Variants in MTMR9 observed in about 807,000 individuals in gnomAD.
MTMR9 encodes myotubularin-related protein 9.
A neutral mutation model predicts 69.5 loss-of-function variants in MTMR9; 39 were observed. The observed-to-expected ratio is 0.56, with a 90% CI of 0.43 to 0.73. The LOEUF (loss-of-function observed/expected upper bound fraction) is 0.73. MTMR9 is among the 30% of genes least tolerant of loss of function. MTMR9 has a pLI of 0.00. For missense variants in MTMR9, 900 were observed against 671.2 expected (o/e 1.34, Z -3.77); for synonymous variants, 354 against 240.8 (o/e 1.47, Z -4.35).
chr8:11,295,110 C>T, intron 1 of MTMR9, 84 bp from the exon 2 acceptor site: 2 of 741,654 alleles, frequency 2.7e-6, no homozygotes, highest in East Asian at 2.8e-5. Flanking sequence ...GTAACTACAA[C>T]TATATTCTCT....
chr8:11,298,134 C>T (rs931651828), intron 2 of MTMR9, among the ~76,000 whole-genome samples: 2 of 152,050 alleles, frequency 1.3e-5, no homozygotes. Flanking sequence ...TTTCACCTGC[C>T]TTTGGAAGTG....
Position 11,323,498 on chromosome 8 carries a change from A to G in MTMR9, c.*710A>G, listed in dbSNP as rs1328493124. On this transcript the variant is annotated 3_prime_UTR_variant, in exon 10 of 10. Transcript: ENST00000221086. ...AGTATGTGCAATATACAATTAAAGT[A>G]GGAATTTGTTACTGATTGAGAATTG... The G allele has an allele frequency of 6.6e-6, 1 of 152,278 alleles. No individual in the cohort carries two copies. Among genetic ancestry groups the G allele is most frequent in the Non-Finnish European group, 1.5e-5 (1 of 68,046 alleles). The allele number at this position is 152,278 out of a possible 1,614,324, so 9.4% of individuals were successfully genotyped here. A position where few individuals can be genotyped will look rare whatever the true frequency, so the allele number is the denominator to read the frequency against.
At position 11,324,983 on chromosome 8, in the gene MTMR9, G is replaced by A. The variant is rs1288120341; in HGVS notation, c.*2195G>A. 1 of 152,254 alleles carries A rather than the reference G, an allele frequency of 6.6e-6. No homozygotes were observed. Among genetic ancestry groups the A allele is most frequent in the Non-Finnish European group, 1.5e-5 (1 of 68,062 alleles). 9.4% of individuals were successfully genotyped at this position (152,254 alleles called of 1,614,324 possible). Reference sequence around the variant, plus strand: ...CATGGAGGGATGATGTACCATCAAGGTAGACCCATCTTCCTGATGCACATT... The same window carrying A: ...CATGGAGGGATGATGTACCATCAAGATAGACCCATCTTCCTGATGCACATT... On this transcript the variant is annotated 3_prime_UTR_variant, in exon 10 of 10. Coordinates refer to ENST00000221086, the MANE Select transcript of MTMR9 (RefSeq NM_015458.4).
intron 2 of MTMR9, among the ~76,000 whole-genome samples, chr8:11,297,003 G>A (rs1799584690): frequency 6.6e-6 from 1 of 152,048 alleles, no homozygotes; most frequent in Non-Finnish European, 1.5e-5. Flanking sequence ...CTATTTTGAT[G>A]TACACTGAAA....
intron 1 of MTMR9, among the ~76,000 whole-genome samples, chr8:11,286,770 C>G (rs748046016): frequency 2.0e-5 from 3 of 151,008 alleles, no homozygotes; most frequent in Non-Finnish European, 4.4e-5. Context: ...ATCCTACTTT[C>G]TCACTTTATT....
At chr8:11,322,589 T>G in intron 9 of MTMR9, 36 bp from the exon 10 acceptor site, 4 of 1,588,036 alleles carry the variant, frequency 2.5e-6, no homozygotes, top group Non-Finnish European at 3.5e-6. Flanking sequence ...TGTATATACC[T>G]TTCTTGCTTC....
At chr8:11,330,315 C>T (rs547733980), downstream of MTMR9, among the ~76,000 whole-genome samples, 179 of 152,026 alleles carry the variant, frequency 1.2e-3, no homozygotes, top group Middle Eastern at 0.024. Flanking sequence ...CCCACCCGGC[C>T]AGCTGCCCCG....
At chr8:11,314,641 G>C (rs528901328) in intron 6 of MTMR9, among the ~76,000 whole-genome samples, 1 of 152,152 alleles carries the variant, frequency 6.6e-6, no homozygotes, top group Non-Finnish European at 1.5e-5. Flanking sequence ...TCAGCTAAAA[G>C]GTTCTGTGAA....
chr8:11,312,860 C>T (rs1800258362), intron 6 of MTMR9, among the ~76,000 whole-genome samples: 1 of 152,204 alleles, frequency 6.6e-6, no homozygotes, highest in Non-Finnish European at 1.5e-5. Flanking sequence ...AGAAAAACAA[C>T]ATTCATCTCC....
Position 11,306,273 on chromosome 8 carries a change from C to A in MTMR9, c.675C>A (p.Leu225=), listed in dbSNP as rs138846493. 8.4e-5 allele frequency: 136 copies of A among 1,614,026 alleles called. No homozygotes were observed. The East Asian group carries it at 2.9e-3, about 34-fold the overall frequency. The change falls in exon 5 of 10, where the codon CTC becomes CTA. Residue 225 remains leucine (L), a synonymous_variant. Transcript: ENST00000221086. ...ACGAGAAGCTGATAAATGCTACCCT[C>A]AGGGCTGGAAAGCGTGGCTACATCA... is the stretch of plus-strand genomic sequence containing the variant. ...KEDEKLINAT[L]RAGKRGYIID...
the MTMR9 span, among the ~76,000 whole-genome samples, chr8:11,334,141 T>G: frequency 6.6e-6 from 1 of 152,360 alleles, no homozygotes; most frequent in Non-Finnish European, 1.5e-5. Context: ...TTCCAGAGCC[T>G]TGAGCCAGAT....
At chr8:11,299,983 G>C (rs199755063) in intron 2 of MTMR9, 40 bp from the exon 3 acceptor site, 7 of 1,596,136 alleles carry the variant, frequency 4.4e-6, no homozygotes, top group Non-Finnish European at 6.0e-6. Flanking sequence ...TTCCAGTTGT[G>C]GATGTTTCTT....
intron 1 of MTMR9, among the ~76,000 whole-genome samples, chr8:11,289,416 T>C (rs1219167608): frequency 2.0e-5 from 3 of 152,212 alleles, no homozygotes; most frequent in East Asian, 3.8e-4. Flanking sequence ...CTTTCATATA[T>C]ATCGCTTACA....
chr8:11,301,744 C>CAAT (rs35575611), intron 3 of MTMR9, among the ~76,000 whole-genome samples: 98,648 of 151,652 alleles, frequency 0.65, 33,342 homozygotes, highest in East Asian at 0.89. Flanking sequence ...AGTTTTGTCT[C>CAAT]AAAGTTGACT....
At chr8:11,298,275 T>A (rs1017901271) in intron 2 of MTMR9, among the ~76,000 whole-genome samples, 2 of 152,108 alleles carry the variant, frequency 1.3e-5, no homozygotes, top group African/African-American at 4.8e-5. Flanking sequence ...TTTAAAATAA[T>A]GGTGGTTCTG....
chr8:11,310,989 G>A (rs1261841880), intron 6 of MTMR9, among the ~76,000 whole-genome samples: 2 of 152,086 alleles, frequency 1.3e-5, no homozygotes, highest in African/African-American at 4.8e-5. Context: ...TGCCATGTTT[G>A]AGTCCCTTTT....
chr8:11,308,499 A>C (rs527389074), intron 5 of MTMR9, among the ~76,000 whole-genome samples: 1 of 152,198 alleles, frequency 6.6e-6, no homozygotes, highest in East Asian at 1.9e-4. Flanking sequence ...CTTTTCTTTG[A>C]TGGGAGGTCT....
chr8:11,328,234 T>TATATTGAATA (rs1801036597), downstream of MTMR9: 4 of 152,136 alleles, frequency 2.6e-5, no homozygotes, highest in Admixed American at 2.6e-4. Context: ...TTACCTTACA[T>TATATTGAATA]TTTGAAAAAA....
intron 1 of MTMR9, among the ~76,000 whole-genome samples, chr8:11,293,236 A>G (rs1018319499): frequency 1.3e-5 from 2 of 152,200 alleles, no homozygotes; most frequent in East Asian, 3.9e-4. Context: ...AAGAAAGTTT[A>G]CCAACAAAAA....
Sources: gnomAD v4.1 joint callset for allele counts (sites outside exome capture counted in the v4.1 genomes callset) on GRCh38, gnomAD v4.1.1 for gene constraint, MANE v1.5 for transcripts, NCBI Gene and HGNC (gene_info 2026-07-23, HGNC 2026-07-21) for gene names.